The following MALRD1 variants were observed in gnomAD, a reference collection of about 807,000 sequenced individuals.
The protein encoded by MALRD1 is MAM and LDL receptor class A domain containing 1.
MALRD1 carries 247 observed loss-of-function variants against 242.1 expected under a neutral mutation model. The ratio of observed to expected loss-of-function variants is 1.02; its 90% CI spans 0.92 to 1.13. The LOEUF is 1.13. Among genes scored for constraint, MALRD1 ranks in the 50% most tolerant of loss-of-function variants. MALRD1 has a pLI of 0.00. For missense variants in MALRD1, 2,989 were observed against 2,533.1 expected, an observed-to-expected ratio of 1.18 and a Z score of -3.86; for synonymous variants, 995 against 866.6, an observed-to-expected ratio of 1.15 and a Z score of -2.60.
intron 5 of MALRD1, among the ~76,000 whole-genome samples, chr10:19,109,999 C>G (rs1222274167): frequency 6.6e-6 from 1 of 152,202 alleles, no homozygotes; most frequent in East Asian, 1.9e-4. Context: ...GAACCTCTCC[C>G]AACTGGGGAG....
chr10:19,425,341 G>A (rs901751864), intron 28 of MALRD1, among the ~76,000 whole-genome samples: 1 of 152,098 alleles, frequency 6.6e-6, no homozygotes, highest in African/African-American at 2.4e-5. Context: ...TTCATCATCA[G>A]TGAGTCAGCC....
intron 2 of MALRD1, among the ~76,000 whole-genome samples, chr10:19,082,157 T>C (rs1835511106): frequency 1.3e-5 from 2 of 151,664 alleles, no homozygotes; most frequent in Non-Finnish European, 2.9e-5. Context: ...ATTAATATCC[T>C]TTTCTTTTTT....
chr10:19,128,565 A>T (rs1164845017), intron 8 of MALRD1, among the ~76,000 whole-genome samples, 178 bp downstream of exon 8: 1 of 152,206 alleles, frequency 6.6e-6, no homozygotes, highest in Non-Finnish European at 1.5e-5. Context: ...TCTCATGTAC[A>T]AAAGTTAATG....
chr10:19,154,297 G>A (rs1286148597), intron 11 of MALRD1, among the ~76,000 whole-genome samples: 2 of 152,102 alleles, frequency 1.3e-5, no homozygotes, highest in South Asian at 4.1e-4. Context: ...TTTCCTTTGT[G>A]TGCAGTCGGC....
At chr10:19,357,071 C>T (rs372579155) in intron 26 of MALRD1, among the ~76,000 whole-genome samples, 132 of 151,034 alleles carry the variant, frequency 8.7e-4, no homozygotes, top group African/African-American at 3.2e-3. Context: ...GATCTTGCCA[C>T]TGCACTCCAG....
At chr10:19,580,833 C>A (rs1386697153) in intron 33 of MALRD1, among the ~76,000 whole-genome samples, 1 of 152,108 alleles carries the variant, frequency 6.6e-6, no homozygotes, top group Admixed American at 6.6e-5. Flanking sequence ...TGGCTTTTGA[C>A]ATTTGGTCAT....
chr10:19,726,486 C>T (rs898786749), intron 38 of MALRD1, among the ~76,000 whole-genome samples: 2 of 152,096 alleles, frequency 1.3e-5, no homozygotes, highest in Non-Finnish European at 2.9e-5. Flanking sequence ...TAGAAACCCT[C>T]ACACATTGTT....
intron 10 of MALRD1, among the ~76,000 whole-genome samples, chr10:19,140,065 G>A (rs1028886948): frequency 6.6e-6 from 1 of 152,134 alleles, no homozygotes; most frequent in Non-Finnish European, 1.5e-5. Context: ...ATGTGTATTT[G>A]TAATGTATAT....
At chr10:19,314,031 G>C (rs1842537813) in intron 21 of MALRD1, among the ~76,000 whole-genome samples, 2 of 151,488 alleles carry the variant, frequency 1.3e-5, no homozygotes, top group South Asian at 4.1e-4. Context: ...CTTCATAAAG[G>C]AGAATTTCAT....
At chr10:19,397,244 C>A (rs1846623603) in intron 28 of MALRD1, among the ~76,000 whole-genome samples, 1 of 152,146 alleles carries the variant, frequency 6.6e-6, no homozygotes, top group African/African-American at 2.4e-5. Flanking sequence ...ATCTTCACCT[C>A]CCCTGTCCCC....
At chr10:19,346,830 A>C (rs991099751) in intron 24 of MALRD1, among the ~76,000 whole-genome samples, 1 of 151,520 alleles carries the variant, frequency 6.6e-6, no homozygotes, top group African/African-American at 2.4e-5. Flanking sequence ...TTGTATTTTT[A>C]GTAGAGATGG....
chr10:19,488,431 G>A (rs529679893), intron 29 of MALRD1, among the ~76,000 whole-genome samples: 1 of 152,050 alleles, frequency 6.6e-6, no homozygotes, highest in Non-Finnish European at 1.5e-5. Context: ...GGAATAAAAG[G>A]GTACTTAGGT....
intron 36 of MALRD1, among the ~76,000 whole-genome samples, chr10:19,682,526 A>C (rs1469041230): frequency 1.3e-5 from 2 of 152,148 alleles, no homozygotes; most frequent in Admixed American, 6.6e-5. Flanking sequence ...CGGGATGTTT[A>C]TCTCTCTCTT....
intron 38 of MALRD1, among the ~76,000 whole-genome samples, chr10:19,706,540 A>G (rs1206901883): frequency 6.6e-6 from 1 of 152,056 alleles, no homozygotes; most frequent in Non-Finnish European, 1.5e-5. Context: ...TAGTAGAGAC[A>G]GGATTTTTGC....
chr10:19,405,009 G>A (rs1847028364), intron 28 of MALRD1, among the ~76,000 whole-genome samples: 1 of 152,158 alleles, frequency 6.6e-6, no homozygotes, highest in East Asian at 1.9e-4. Flanking sequence ...AAGAGAAGTA[G>A]CACTTTATTT....
At chr10:19,507,780 A>G (rs528756967) in intron 31 of MALRD1, among the ~76,000 whole-genome samples, 6 of 152,346 alleles carry the variant, frequency 3.9e-5, no homozygotes, top group Admixed American at 6.5e-5. Context: ...TGATGCTTCA[A>G]TCACCACATT....
intron 2 of MALRD1, among the ~76,000 whole-genome samples, chr10:19,071,903 T>G (rs912362727): frequency 6.6e-6 from 1 of 152,192 alleles, no homozygotes; most frequent in African/African-American, 2.4e-5. Flanking sequence ...ATATTTACTT[T>G]GAAAACTCTT....
At chr10:19,519,910 A>G (rs947103880) in intron 31 of MALRD1, among the ~76,000 whole-genome samples, 2 of 152,200 alleles carry the variant, frequency 1.3e-5, no homozygotes, top group African/African-American at 2.4e-5. Flanking sequence ...TACAGTTGCT[A>G]TTGTTTACCT....
At chr10:19,050,291 T>G (rs1345654940) in intron 1 of MALRD1, among the ~76,000 whole-genome samples, 4 of 150,614 alleles carry the variant, frequency 2.7e-5, no homozygotes, top group Admixed American at 6.6e-5. Flanking sequence ...GTTTCACCGT[T>G]TTAGCCGGGA....
Sources: allele counts gnomAD v4.1 joint callset (sites outside exome capture counted in the v4.1 genomes callset), GRCh38; gene constraint gnomAD v4.1.1; transcripts MANE v1.5; gene names NCBI Gene and HGNC (gene_info 2026-07-23, HGNC 2026-07-21).